LINGO2: variants seen among roughly 807,000 people sequenced by gnomAD.
LINGO2 encodes the protein leucine-rich repeat and immunoglobulin-like domain-containing nogo receptor-interacting protein 2.
LINGO2 carries 14 observed loss-of-function variants against 30.6 expected under a neutral mutation model. That is an observed-to-expected ratio of 0.46 (90% CI 0.30 to 0.72). The LOEUF (loss-of-function observed/expected upper bound fraction) is 0.72, where lower values mean the gene tolerates loss of function less well. LINGO2 is among the 30% of genes least tolerant of loss of function. LINGO2 has a pLI of 0.07. For missense variants in LINGO2, 729 were observed against 751.7 expected, an observed-to-expected ratio of 0.97 and a Z score of 0.35; for synonymous variants, 317 against 288.5, an observed-to-expected ratio of 1.10 and a Z score of -1.00.
At chr9:28,284,768 A>G (rs1823447217) in intron 4 of LINGO2, among the ~76,000 whole-genome samples, 1 of 152,180 alleles carries the variant, frequency 6.6e-6, no homozygotes, top group Non-Finnish European at 1.5e-5. Flanking sequence ...GTTGCTTTTA[A>G]TGCATTTTAT....
chr9:28,860,127 C>G, the LINGO2 span, among the ~76,000 whole-genome samples: 1 of 151,960 alleles, frequency 6.6e-6, no homozygotes, highest in Non-Finnish European at 1.5e-5. Flanking sequence ...TTAAGAAAAT[C>G]TTACAAAGAA....
At chr9:28,019,352 G>C (rs1275054184) in intron 4 of LINGO2, among the ~76,000 whole-genome samples, 2 of 147,946 alleles carry the variant, frequency 1.4e-5, no homozygotes, top group African/African-American at 5.0e-5. Context: ...TAATGGATTA[G>C]CAAACACATA....
chr9:28,507,946 T>C (rs1264850427), intron 1 of LINGO2, among the ~76,000 whole-genome samples: 3 of 152,106 alleles, frequency 2.0e-5, no homozygotes, highest in African/African-American at 4.8e-5. Flanking sequence ...GGGTTCATTG[T>C]AAAGCCAGCC....
the LINGO2 span, among the ~76,000 whole-genome samples, chr9:28,677,950 G>A: frequency 2.0e-5 from 3 of 151,546 alleles, no homozygotes; most frequent in Non-Finnish European, 4.4e-5. Context: ...CCATCTACAT[G>A]TTATCATTAT....
chr9:28,091,148 T>G (rs1826072051), intron 4 of LINGO2, among the ~76,000 whole-genome samples: 2 of 152,154 alleles, frequency 1.3e-5, no homozygotes, highest in Non-Finnish European at 2.9e-5. Context: ...CCCAAGGTAA[T>G]TTATAGATTC....
the LINGO2 span, among the ~76,000 whole-genome samples, chr9:28,681,463 T>A: frequency 7.8e-4 from 119 of 152,168 alleles, no homozygotes; most frequent in Admixed American, 2.0e-3. Context: ...CTGCTCCTAC[T>A]GTGGCTTTAG....
At chr9:28,896,221 T>C in the LINGO2 span, among the ~76,000 whole-genome samples, 224 of 152,284 alleles carry the variant, frequency 1.5e-3, no homozygotes, top group Non-Finnish European at 2.6e-3. Context: ...CAGGCAACTT[T>C]GTTGTGTTCA....
At chr9:29,094,201 T>A in the LINGO2 span, among the ~76,000 whole-genome samples, 1 of 138,654 alleles carries the variant, frequency 7.2e-6, no homozygotes, top group East Asian at 2.4e-4. Flanking sequence ...TGGGTATTGA[T>A]AAAATCATTT....
chr9:27,956,670 G>A (rs1246178828), intron 5 of LINGO2, among the ~76,000 whole-genome samples: 2 of 151,916 alleles, frequency 1.3e-5, no homozygotes, highest in Non-Finnish European at 2.9e-5. Context: ...AATTTTTATA[G>A]TTTTATTATT....
the LINGO2 span, among the ~76,000 whole-genome samples, chr9:28,989,610 C>T: frequency 1.3e-5 from 2 of 152,126 alleles, no homozygotes; most frequent in African/African-American, 2.4e-5. Flanking sequence ...CCCACTGCTA[C>T]CTGTACACGT....
In LINGO2 at chr9:28,184,498, C is replaced by A. The variant is rs555907698; in HGVS notation, c.-87+110710G>T. On this transcript the variant is annotated intron_variant, in intron 4 of 5. Coordinates refer to ENST00000379992, the Ensembl canonical transcript of LINGO2. The stretch of plus-strand genomic sequence containing the variant: ...CTTCTTAAGGTTCGACTTAAAAAAT[C>A]CTACTGGACAAGTATGGTTAATAAA... 8.8e-4 allele frequency among the ~76,000 whole-genome samples: 131 copies of A among 149,328 alleles called. 1 individual carries two copies. Among genetic ancestry groups the A allele is most frequent in the African/African-American group, 2.6e-3 (104 of 40,396 alleles).
At chr9:28,840,707 T>C in the LINGO2 span, among the ~76,000 whole-genome samples, 1 of 151,936 alleles carries the variant, frequency 6.6e-6, no homozygotes, top group African/African-American at 2.4e-5. Flanking sequence ...TGAAAATCTG[T>C]AGAATGGCAT....
chr9:28,951,972 T>G, the LINGO2 span, among the ~76,000 whole-genome samples: 3 of 152,008 alleles, frequency 2.0e-5, no homozygotes, highest in Admixed American at 1.3e-4. Flanking sequence ...ATTAGAGAAA[T>G]GCAAATCAAA....
At chr9:28,653,591 A>AC (rs1371222905) in intron 1 of LINGO2, among the ~76,000 whole-genome samples, 6 of 152,158 alleles carry the variant, frequency 3.9e-5, no homozygotes, top group Non-Finnish European at 8.8e-5. Context: ...TTTCCCTCTC[A>AC]GATATGGCTT....
intron 1 of LINGO2, among the ~76,000 whole-genome samples, chr9:28,592,678 G>C (rs1051309021): frequency 2.0e-5 from 3 of 151,958 alleles, no homozygotes; most frequent in African/African-American, 7.2e-5. Flanking sequence ...TGGAGGTATG[G>C]GTGTTATTTT....
intron 4 of LINGO2, among the ~76,000 whole-genome samples, chr9:28,015,407 T>C (rs1288274379): frequency 1.3e-5 from 2 of 152,232 alleles, no homozygotes; most frequent in East Asian, 1.9e-4. Context: ...CAATAATGTA[T>C]TGAGGAGTTT....
chr9:28,870,916 G>C, the LINGO2 span, among the ~76,000 whole-genome samples: 3 of 152,064 alleles, frequency 2.0e-5, no homozygotes, highest in South Asian at 6.2e-4. Flanking sequence ...ACAGAAAATA[G>C]AAATTTTGTT....
chr9:29,212,710 G>T, the LINGO2 span, among the ~76,000 whole-genome samples: 1 of 152,312 alleles, frequency 6.6e-6, no homozygotes, highest in African/African-American at 2.4e-5. Flanking sequence ...ATAGGTTTCA[G>T]AAAGTGTGAG....
chr9:28,626,478 C>T (rs1461082272), intron 1 of LINGO2, among the ~76,000 whole-genome samples: 1 of 151,946 alleles, frequency 6.6e-6, no homozygotes, highest in East Asian at 1.9e-4. Context: ...TTGTCCACTC[C>T]CCACTCATAA....
Sources: gnomAD v4.1 joint callset for allele counts (sites outside exome capture counted in the v4.1 genomes callset) on GRCh38, gnomAD v4.1.1 for gene constraint, MANE v1.5 for transcripts, NCBI Gene and HGNC (gene_info 2026-07-23, HGNC 2026-07-21) for gene names.